ARID1B: variants seen among roughly 807,000 people sequenced by gnomAD.
ARID1B encodes the protein AT-rich interaction domain 1B, also known as AT-rich interactive domain-containing protein 1B.
Under a neutral mutation model 212.3 loss-of-function variants are expected in ARID1B, and 30 were observed. That is an observed-to-expected ratio of 0.14 (90% confidence interval 0.11 to 0.19). The LOEUF (loss-of-function observed/expected upper bound fraction) is 0.19, where lower values mean the gene tolerates loss of function less well. ARID1B is among the 10% of genes least tolerant of loss of function. ARID1B has a pLI of 1.00. For missense variants in ARID1B, 2,891 were observed against 3,204.0 expected, an observed-to-expected ratio of 0.90 and a Z score of 2.36; for synonymous variants, 1,402 against 1,301.7, an observed-to-expected ratio of 1.08 and a Z score of -1.66.
chr6:157,050,076 G>A (rs1405556874), intron 4 of ARID1B, among the ~76,000 whole-genome samples: 1 of 152,134 alleles, frequency 6.6e-6, no homozygotes, highest in Non-Finnish European at 1.5e-5. Flanking sequence ...CAGTTGTGGG[G>A]TGTCTCTCCC....
At chr6:157,116,843 T>G (rs1447347840) in intron 6 of ARID1B, among the ~76,000 whole-genome samples, 1 of 152,138 alleles carries the variant, frequency 6.6e-6, no homozygotes, top group Non-Finnish European at 1.5e-5. Flanking sequence ...AAAGAGGAGT[T>G]GTAGTCAAAG....
chr6:157,098,094 A>G (rs1308492322), intron 5 of ARID1B, among the ~76,000 whole-genome samples: 1 of 152,192 alleles, frequency 6.6e-6, no homozygotes, highest in African/African-American at 2.4e-5. Flanking sequence ...AGAAAGAGGA[A>G]AAATATTGAG....
chr6:156,811,442 G>A (rs1400552041), intron 1 of ARID1B, among the ~76,000 whole-genome samples: 2 of 152,164 alleles, frequency 1.3e-5, no homozygotes. Flanking sequence ...GTCTGTTTAT[G>A]CTGCCATGAC....
rs1484921100 is a variant in ARID1B, at chr6:156,778,761, G to A, written c.1081G>A (p.Gly361Ser). ...CTCCGCCGCCGCCGCCGGGGCCCCC[G>A]GCAGCATGGACCCCCTGCAGAACTC... ...SASAAAAGAP[G>S]SMDPLQNSHE... Residue 361 changes from glycine (G) to serine (S), a missense_variant, in exon 1 of 20, where the codon GGC becomes AGC. Gly to Ser is a moderately conservative substitution (Grantham distance 56). Coordinates refer to ENST00000636930, the MANE Select transcript of ARID1B (RefSeq NM_001374828.1). 5 of 1,505,262 alleles carry A rather than the reference G, an allele frequency of 3.3e-6. No individual in the cohort carries two copies. The Admixed American group carries it at 8.3e-5, about 25-fold the overall frequency. The allele number at this position is 1,505,262 out of a possible 1,614,324, so 93.2% of individuals were successfully genotyped here. A position where few individuals can be genotyped will look rare whatever the true frequency, so the allele number is the denominator to read the frequency against.
At chr6:156,964,832 G>T (rs140709426) in intron 4 of ARID1B, among the ~76,000 whole-genome samples, 87 of 152,244 alleles carry the variant, frequency 5.7e-4, no homozygotes, top group African/African-American at 2.0e-3. Flanking sequence ...ATCAGCCTTG[G>T]TTCTTTTCTA....
chr6:156,958,337 A>G (rs958167719), intron 4 of ARID1B, among the ~76,000 whole-genome samples: 5 of 152,228 alleles, frequency 3.3e-5, no homozygotes, highest in Non-Finnish European at 7.3e-5. Flanking sequence ...ATTTCTCAGT[A>G]TTTGTTTGAT....
At chr6:157,123,243 C>CCCCA (rs1787888623) in intron 6 of ARID1B, among the ~76,000 whole-genome samples, 1 of 117,442 alleles carries the variant, frequency 8.5e-6, no homozygotes, top group Non-Finnish European at 1.7e-5. Context: ...CCCCCGCCCC[C>CCCCA]CCCCCACACA....
rs142660444 is a variant in ARID1B at position 156,782,061 on chromosome 6, AC to A, written c.1791+2592del. 1.0e-3 allele frequency among the ~76,000 whole-genome samples: 131 copies of A among 125,702 alleles called. 1 individual carries two copies. In the East Asian group the frequency reaches 0.027, roughly 26 times the overall value. 82.5% of individuals were successfully genotyped at this position (125,702 alleles called of 152,430 possible). On this transcript the variant is annotated intron_variant, in intron 1 of 19. Transcript: ENST00000636930. ...CTAGATTCAGGAATTTCTTTTAAGT[AC>A]CTTACCGTGTAACATGTGGAATGTG...
intron 4 of ARID1B, chr6:157,023,917 G>C (rs1245757428): frequency 6.6e-6 from 1 of 152,190 alleles, no homozygotes; most frequent in Non-Finnish European, 1.5e-5. Flanking sequence ...GACAGATTTT[G>C]CATGTAGATT....
chr6:157,117,430 A>G (rs1032767185), intron 6 of ARID1B, among the ~76,000 whole-genome samples: 10 of 152,208 alleles, frequency 6.6e-5, no homozygotes, highest in African/African-American at 2.2e-4. Flanking sequence ...TCCTTATCAG[A>G]TTTCGAGTCA....
rs540090220 is a variant in ARID1B, at chr6:156,893,123, GC to G, written c.1987-8251del. Among the ~76,000 whole-genome samples the G allele has an allele frequency of 3.1e-3, 438 of 139,434 alleles. 2 individuals are homozygous for G. The highest frequency in any genetic ancestry group is 0.011 in the African/African-American group (406 of 36,450). 91.5% of individuals were successfully genotyped at this position (139,434 alleles called of 152,430 possible). On this transcript the variant is annotated intron_variant, in intron 2 of 19. Transcript: ENST00000636930. ...AGTGGTGCAATCTTGGCTCACTGCA[GC>G]CTCCGCCTCCTGGGTTCATGTGATT...
intron 1 of ARID1B, among the ~76,000 whole-genome samples, chr6:156,815,961 A>T (rs1420273267): frequency 6.6e-6 from 1 of 152,242 alleles, no homozygotes; most frequent in East Asian, 1.9e-4. Flanking sequence ...CAAGTTAAGT[A>T]AGTTTTTTCT....
intron 2 of ARID1B, among the ~76,000 whole-genome samples, chr6:156,885,245 G>T (rs886229618): frequency 2.0e-5 from 3 of 152,228 alleles, no homozygotes; most frequent in African/African-American, 7.2e-5. Context: ...GTCCAAAACA[G>T]TGAAATGCAT....
intron 2 of ARID1B, among the ~76,000 whole-genome samples, chr6:156,896,618 C>T (rs534515995): frequency 3.4e-4 from 50 of 146,490 alleles, no homozygotes; most frequent in African/African-American, 1.2e-3. Flanking sequence ...CAGTGGCTCA[C>T]GCCTGTAATC....
At chr6:156,987,479 C>A (rs911029263) in intron 4 of ARID1B, among the ~76,000 whole-genome samples, 5 of 152,140 alleles carry the variant, frequency 3.3e-5, no homozygotes, top group African/African-American at 1.2e-4. Context: ...TACAGGCGCC[C>A]GCTACTGCAC....
intron 4 of ARID1B, among the ~76,000 whole-genome samples, chr6:157,034,254 A>G (rs139562212): frequency 6.6e-6 from 1 of 152,352 alleles, no homozygotes; most frequent in Non-Finnish European, 1.5e-5. Context: ...TTAGGCACAA[A>G]ACATTGCATT....
At chr6:156,897,252 C>CTTATTATTATTA (rs1351964431) in intron 2 of ARID1B, among the ~76,000 whole-genome samples, 112 of 96,786 alleles carry the variant, frequency 1.2e-3, no homozygotes, top group African/African-American at 2.7e-3. Context: ...TCTTCTTCTT[C>CTTATTATTATTA]TTCTTCTTCT....
intron 6 of ARID1B, among the ~76,000 whole-genome samples, chr6:157,116,571 A>G (rs1193646569): frequency 6.6e-6 from 1 of 150,888 alleles, no homozygotes; most frequent in East Asian, 1.9e-4. Flanking sequence ...TCCTTGAGAT[A>G]TGCTGAAGCA....
intron 2 of ARID1B, among the ~76,000 whole-genome samples, chr6:156,868,389 G>C (rs1785867150): frequency 6.6e-6 from 1 of 152,126 alleles, no homozygotes; most frequent in African/African-American, 2.4e-5. Context: ...ATGCTGAAAG[G>C]GTTTATCTTA....
Sources: allele counts gnomAD v4.1 joint callset (sites outside exome capture counted in the v4.1 genomes callset), GRCh38; gene constraint gnomAD v4.1.1; transcripts MANE v1.5; gene names NCBI Gene and HGNC (gene_info 2026-07-23, HGNC 2026-07-21).